Variants in SLC5A3 observed in about 807,000 individuals in gnomAD.
SLC5A3 encodes sodium/myo-inositol cotransporter.
A neutral mutation model predicts 43.2 loss-of-function variants in SLC5A3; 10 were observed. The observed-to-expected ratio is 0.23, with a 90% CI of 0.14 to 0.39. The LOEUF (loss-of-function observed/expected upper bound fraction) is 0.39. Among genes scored for constraint, SLC5A3 ranks in the 10% least tolerant of loss-of-function variants. The probability of loss-of-function intolerance (pLI) is 1.00; values close to 1 mark genes in which losing one functional copy is unlikely to be tolerated. For missense variants in SLC5A3, 608 were observed against 893.4 expected (o/e 0.68, Z 4.07); for synonymous variants, 349 against 322.0 (o/e 1.08, Z -0.90).
chr21:34,098,624 G>A lies in SLC5A3; in HGVS notation c.*1269G>A, dbSNP rs1979083306. On this transcript the variant is annotated 3_prime_UTR_variant, in exon 2 of 2. Coordinates refer to ENST00000381151, the MANE Select transcript of SLC5A3 (RefSeq NM_006933.7). Reference sequence around the variant, plus strand: ...AGGTTGTCAATATAGTCTTTCTGTAGGATGGATAGCATGTTTGAGAGGTGC... The same window carrying A: ...AGGTTGTCAATATAGTCTTTCTGTAAGATGGATAGCATGTTTGAGAGGTGC... 1 of 1,000,170 alleles carries A rather than the reference G, an allele frequency of 1.0e-6. No individual in the cohort carries two copies. Among genetic ancestry groups the A allele is most frequent in the Admixed American group, 6.2e-5 (1 of 16,238 alleles). 62.0% of individuals were successfully genotyped at this position (1,000,170 alleles called of 1,614,324 possible).
intron 1 of SLC5A3, among the ~76,000 whole-genome samples, chr21:34,082,289 GTATC>G (rs1396630264): frequency 6.6e-6 from 1 of 152,140 alleles, no homozygotes; most frequent in South Asian, 2.1e-4. Flanking sequence ...ATTCTTGAAA[GTATC>G]TATAGTTTCG....
At chr21:34,089,416 A>G (rs369173404) in intron 1 of SLC5A3, among the ~76,000 whole-genome samples, 4 of 151,792 alleles carry the variant, frequency 2.6e-5, no homozygotes, top group Admixed American at 2.6e-4. Context: ...TAAAACCAGT[A>G]GTAGTTTCAT....
chr21:34,105,719 C>T lies in SLC5A3; in HGVS notation c.*8364C>T, dbSNP rs1408416338. ...AGTTTTTTGAATTGTAAATGGATTTCCAGTTTACCTTCTGTTGTCTACAGC... is the reference window on the plus strand; with the variant it reads ...AGTTTTTTGAATTGTAAATGGATTTTCAGTTTACCTTCTGTTGTCTACAGC... On this transcript the variant is annotated 3_prime_UTR_variant, in exon 2 of 2. Coordinates refer to ENST00000381151, the MANE Select transcript of SLC5A3 (RefSeq NM_006933.7). 1.5e-5 allele frequency: 15 copies of T among 997,522 alleles called. No individual in the cohort carries two copies. The highest frequency in any genetic ancestry group is 1.8e-5 in the Non-Finnish European group (15 of 827,704). The allele number at this position is 997,522 out of a possible 1,614,324, so 61.8% of individuals were successfully genotyped here.
chr21:34,097,968 T>C lies in SLC5A3; in HGVS notation c.*613T>C, dbSNP rs1357123006. The C allele has an allele frequency of 4.0e-5, 40 of 997,232 alleles. No homozygotes were observed. Among genetic ancestry groups the C allele is most frequent in the Non-Finnish European group, 4.5e-5 (37 of 827,732 alleles). The allele number at this position is 997,232 out of a possible 1,614,324, so 61.8% of individuals were successfully genotyped here. A position where few individuals can be genotyped will look rare whatever the true frequency, so the allele number is the denominator to read the frequency against. On this transcript the variant is annotated 3_prime_UTR_variant, in exon 2 of 2. Transcript: ENST00000381151. ...TTTGTACCACCAGTATATGGAATGT[T>C]AGGGAAAAACTTTGTTCCAGTTCCT... is the stretch of plus-strand genomic sequence containing the variant.
At chr21:34,077,793 A>C (rs1989369069) in intron 1 of SLC5A3, among the ~76,000 whole-genome samples, 1 of 152,190 alleles carries the variant, frequency 6.6e-6, no homozygotes, top group Non-Finnish European at 1.5e-5. Flanking sequence ...GAATATAGAA[A>C]AGTATAATCA....
chr21:34,102,701 C>G lies in SLC5A3; in HGVS notation c.*5346C>G. 2 of 1,000,082 alleles carry G rather than the reference C, an allele frequency of 2.0e-6. No homozygotes were observed. Among genetic ancestry groups the G allele is most frequent in the Non-Finnish European group, 2.4e-6 (2 of 829,868 alleles). 62.0% of individuals were successfully genotyped at this position (1,000,082 alleles called of 1,614,324 possible). A position where few individuals can be genotyped will look rare whatever the true frequency, so the allele number is the denominator to read the frequency against. Reference sequence around the variant, plus strand: ...TAGAATAAAGTAAGCAGCTGAAGAGCGAGCAAATCAAGACAAAACACAGTG... The same window carrying G: ...TAGAATAAAGTAAGCAGCTGAAGAGGGAGCAAATCAAGACAAAACACAGTG... On this transcript the variant is annotated 3_prime_UTR_variant, in exon 2 of 2. Coordinates refer to ENST00000381151, the MANE Select transcript of SLC5A3 (RefSeq NM_006933.7).
At chr21:34,082,244 A>G (rs1989475636) in intron 1 of SLC5A3, among the ~76,000 whole-genome samples, 1 of 152,178 alleles carries the variant, frequency 6.6e-6, no homozygotes, top group African/African-American at 2.4e-5. Flanking sequence ...ACTGGTTTGC[A>G]GTAGGACTGA....
chr21:34,103,902 G>A lies in SLC5A3; in HGVS notation c.*6547G>A. The A allele has an allele frequency of 1.0e-6, 1 of 1,000,066 alleles. No homozygotes were observed. Among genetic ancestry groups the A allele is most frequent in the Non-Finnish European group, 1.2e-6 (1 of 829,910 alleles). 61.9% of individuals were successfully genotyped at this position (1,000,066 alleles called of 1,614,324 possible). The stretch of plus-strand genomic sequence containing the variant: ...CTGCAACTTGAAACTGGAGAAATAG[G>A]GACAGATGTCTAGGTTTTTGGTGGG... On this transcript the variant is annotated 3_prime_UTR_variant, in exon 2 of 2. Transcript: ENST00000381151.
rs1979175074 is a variant in SLC5A3, at chr21:34,100,302, A to G, written c.*2947A>G. The G allele has an allele frequency of 1.0e-6, 1 of 1,000,144 alleles. No individual in the cohort carries two copies. 62.0% of individuals were successfully genotyped at this position (1,000,144 alleles called of 1,614,324 possible). A position where few individuals can be genotyped will look rare whatever the true frequency, so the allele number is the denominator to read the frequency against. ...GCATATTACATTGGTATGCAGGATGATTATTGCATATTTTGTGGGACCTCT... is the reference window on the plus strand; with the variant it reads ...GCATATTACATTGGTATGCAGGATGGTTATTGCATATTTTGTGGGACCTCT... On this transcript the variant is annotated 3_prime_UTR_variant, in exon 2 of 2. Coordinates refer to ENST00000381151, the MANE Select transcript of SLC5A3 (RefSeq NM_006933.7).
At chr21:34,084,405 C>A (rs964765548) in intron 1 of SLC5A3, among the ~76,000 whole-genome samples, 2 of 151,902 alleles carry the variant, frequency 1.3e-5, no homozygotes, top group Non-Finnish European at 2.9e-5. Context: ...AGAAAAAAAA[C>A]ACAAAGTTGA....
intron 1 of SLC5A3, among the ~76,000 whole-genome samples, chr21:34,079,367 A>C (rs1989407107): frequency 6.6e-6 from 1 of 152,158 alleles, no homozygotes; most frequent in African/African-American, 2.4e-5. Flanking sequence ...ACAATTTTCT[A>C]GGTGCATCAT....
intron 1 of SLC5A3, among the ~76,000 whole-genome samples, chr21:34,081,343 A>G (rs536828987): frequency 1.3e-5 from 2 of 152,312 alleles, no homozygotes; most frequent in East Asian, 3.9e-4. Context: ...TTGGCAAATA[A>G]ATGTATGTTT....
chr21:34,080,913 T>C (rs1989444758), intron 1 of SLC5A3, among the ~76,000 whole-genome samples: 1 of 152,256 alleles, frequency 6.6e-6, no homozygotes, highest in African/African-American at 2.4e-5. Flanking sequence ...GTGAGTTGTA[T>C]GTTACCAGAA....
Position 34,105,604 on chromosome 21 carries a change from T to C in SLC5A3, c.*8249T>C, listed in dbSNP as rs1260010442. ...GAGACCAGTTAGTACACTGGGGGTG[T>C]ATATTGTGTACATGTGTCATTTTAG... On this transcript the variant is annotated 3_prime_UTR_variant, in exon 2 of 2. Coordinates refer to ENST00000381151, the MANE Select transcript of SLC5A3 (RefSeq NM_006933.7). 1.0e-6 allele frequency: 1 copy of C among 999,952 alleles called. No individual in the cohort carries two copies. Among genetic ancestry groups the C allele is most frequent in the Non-Finnish European group, 1.2e-6 (1 of 829,822 alleles). 61.9% of individuals were successfully genotyped at this position (999,952 alleles called of 1,614,324 possible). A position where few individuals can be genotyped will look rare whatever the true frequency, so the allele number is the denominator to read the frequency against.
chr21:34,076,471 C>T (rs1174914761), intron 1 of SLC5A3, among the ~76,000 whole-genome samples: 1 of 152,174 alleles, frequency 6.6e-6, no homozygotes, highest in Non-Finnish European at 1.5e-5. Flanking sequence ...TACAATTAGT[C>T]ACCCAGAAAT....
chr21:34,089,343 T>G (rs2148656841), intron 1 of SLC5A3, among the ~76,000 whole-genome samples: 1 of 152,024 alleles, frequency 6.6e-6, no homozygotes, highest in African/African-American at 2.4e-5. Context: ...TCATTTATCT[T>G]TAACAAAATG....
chr21:34,102,426 T>C lies in SLC5A3; in HGVS notation c.*5071T>C, dbSNP rs1979283470. ...TTTATAAAAAGAGGGATTAGTTTTT[T>C]TGTTTTGGGGTAAGCACCTAATTTA... On this transcript the variant is annotated 3_prime_UTR_variant, in exon 2 of 2. Transcript: ENST00000381151. The C allele has an allele frequency of 2.0e-6, 2 of 1,000,090 alleles. No individual in the cohort carries two copies. The highest frequency in any genetic ancestry group is 2.4e-6 in the Non-Finnish European group (2 of 829,812). 62.0% of individuals were successfully genotyped at this position (1,000,090 alleles called of 1,614,324 possible).
chr21:34,080,010 A>G (rs1315499335), intron 1 of SLC5A3, among the ~76,000 whole-genome samples: 1 of 152,124 alleles, frequency 6.6e-6, no homozygotes, highest in Non-Finnish European at 1.5e-5. Flanking sequence ...TCAATGCCAT[A>G]TAGTCTTCTC....
intron 1 of SLC5A3, among the ~76,000 whole-genome samples, chr21:34,094,076 C>G (rs2834378): frequency 0.28 from 42,800 of 152,114 alleles, 7,115 homozygotes; most frequent in Non-Finnish European, 0.38. Flanking sequence ...GAAATACTGC[C>G]TGATGAAAAG....
Sources: gnomAD v4.1 joint callset for allele counts (sites outside exome capture counted in the v4.1 genomes callset) on GRCh38, gnomAD v4.1.1 for gene constraint, MANE v1.5 for transcripts, NCBI Gene and HGNC (gene_info 2026-07-23, HGNC 2026-07-21) for gene names.